SGCZ: variants seen among roughly 807,000 people sequenced by gnomAD.
SGCZ encodes zeta-sarcoglycan.
Under a neutral mutation model 41.3 loss-of-function variants are expected in SGCZ, and 40 were observed. That is an observed-to-expected ratio of 0.97 (90% CI 0.75 to 1.26). The LOEUF (loss-of-function observed/expected upper bound fraction) is 1.26, where lower values mean the gene tolerates loss of function less well. Ranked by LOEUF, SGCZ falls within the 50% of genes most tolerant of loss-of-function variation. The probability of loss-of-function intolerance (pLI) is 0.00; values close to 1 mark genes in which losing one functional copy is unlikely to be tolerated. For synonymous variants in SGCZ, 206 were observed against 137.5 expected, an observed-to-expected ratio of 1.50 and a Z score of -3.49; for missense variants, 552 against 369.8, an observed-to-expected ratio of 1.49 and a Z score of -4.04.
intron 2 of SGCZ, among the ~76,000 whole-genome samples, chr8:14,459,606 T>G (rs1800844872): frequency 6.6e-6 from 1 of 152,062 alleles, no homozygotes. Flanking sequence ...CTCAAGACAT[T>G]TATTAATTAT....
chr8:14,608,899 T>A (rs910768416), intron 1 of SGCZ, among the ~76,000 whole-genome samples: 10 of 152,178 alleles, frequency 6.6e-5, no homozygotes, highest in South Asian at 2.1e-4. Context: ...AATATTCTTA[T>A]GTAATAATAG....
intron 1 of SGCZ, among the ~76,000 whole-genome samples, chr8:14,958,094 T>G (rs934787823): frequency 2.6e-5 from 4 of 152,090 alleles, no homozygotes; most frequent in African/African-American, 9.6e-5. Context: ...AATTTCACCT[T>G]ATAACATGTT....
intron 1 of SGCZ, among the ~76,000 whole-genome samples, chr8:15,017,265 A>G (rs2130936430): frequency 6.6e-6 from 1 of 152,102 alleles, no homozygotes; most frequent in Non-Finnish European, 1.5e-5. Context: ...TTTATATAGG[A>G]TTCGATAATG....
chr8:14,731,243 G>A (rs985072106), intron 1 of SGCZ, among the ~76,000 whole-genome samples: 1 of 151,724 alleles, frequency 6.6e-6, no homozygotes, highest in Admixed American at 6.6e-5. Flanking sequence ...CAGGGACATG[G>A]ATGAAGCTGG....
intron 1 of SGCZ, among the ~76,000 whole-genome samples, chr8:14,867,087 A>C (rs931772027): frequency 5.3e-5 from 8 of 152,100 alleles, no homozygotes; most frequent in Non-Finnish European, 1.2e-4. Flanking sequence ...GTCATTCACT[A>C]TCCTAGACAA....
chr8:14,639,784 T>C (rs1391972036), intron 1 of SGCZ, among the ~76,000 whole-genome samples: 8 of 151,744 alleles, frequency 5.3e-5, no homozygotes, highest in Non-Finnish European at 1.5e-5. Flanking sequence ...GAGAGACTTT[T>C]TTTTTTCTTG....
intron 1 of SGCZ, among the ~76,000 whole-genome samples, chr8:14,980,548 G>C (rs779741263): frequency 2.6e-5 from 4 of 152,164 alleles, no homozygotes; most frequent in Non-Finnish European, 4.4e-5. Context: ...GTTCCATGTG[G>C]CTGAGGAAGC....
chr8:14,383,214 A>G (rs976573905), intron 2 of SGCZ, among the ~76,000 whole-genome samples: 1 of 152,244 alleles, frequency 6.6e-6, no homozygotes, highest in Non-Finnish European at 1.5e-5. Context: ...CTAGTTATAT[A>G]AAACCAATTA....
intron 2 of SGCZ, among the ~76,000 whole-genome samples, chr8:14,420,230 G>C (rs1799602641): frequency 6.6e-6 from 1 of 151,556 alleles, no homozygotes; most frequent in African/African-American, 2.4e-5. Context: ...ATTTTTGTTT[G>C]TTTTAATGAT....
intron 1 of SGCZ, among the ~76,000 whole-genome samples, chr8:15,149,342 G>C (rs1002026634): frequency 1.3e-5 from 2 of 152,128 alleles, no homozygotes; most frequent in Non-Finnish European, 2.9e-5. Context: ...AGAATAAAAA[G>C]CTCACAGGAC....
intron 2 of SGCZ, among the ~76,000 whole-genome samples, chr8:14,454,656 T>C (rs1446442666): frequency 2.0e-5 from 3 of 152,114 alleles, no homozygotes; most frequent in Non-Finnish European, 4.4e-5. Context: ...TCAATTTGTA[T>C]AATAAAATTA....
At chr8:14,126,683 A>T (rs1802871221) in intron 5 of SGCZ, among the ~76,000 whole-genome samples, 1 of 152,130 alleles carries the variant, frequency 6.6e-6, no homozygotes, top group Admixed American at 6.5e-5. Context: ...AGATACACAC[A>T]CGTATGTTTA....
chr8:14,657,443 T>C (rs1807612209), intron 1 of SGCZ, among the ~76,000 whole-genome samples: 1 of 152,126 alleles, frequency 6.6e-6, no homozygotes, highest in South Asian at 2.1e-4. Context: ...TTAAAGTATT[T>C]TGTAAAATAA....
At chr8:14,574,840 A>G (rs776045422) in intron 1 of SGCZ, among the ~76,000 whole-genome samples, 3 of 152,240 alleles carry the variant, frequency 2.0e-5, no homozygotes, top group African/African-American at 4.8e-5. Context: ...GCAAGAAAAC[A>G]GGAATGCAAA....
intron 2 of SGCZ, among the ~76,000 whole-genome samples, chr8:14,497,591 TGTGA>T (rs752643223): frequency 3.3e-5 from 5 of 151,656 alleles, no homozygotes; most frequent in African/African-American, 9.7e-5. Flanking sequence ...TGTGTGTGTG[TGTGA>T]GAGAGAGAGA....
At chr8:14,120,818 A>G (rs1802674276) in intron 5 of SGCZ, among the ~76,000 whole-genome samples, 1 of 152,166 alleles carries the variant, frequency 6.6e-6, no homozygotes, top group African/African-American at 2.4e-5. Context: ...ACATAACCAT[A>G]TGTAAGATTA....
intron 3 of SGCZ, among the ~76,000 whole-genome samples, chr8:14,311,560 T>C (rs575039077): frequency 2.0e-5 from 3 of 152,314 alleles, no homozygotes; most frequent in Admixed American, 2.0e-4. Context: ...AGAATATGAC[T>C]ACTATTTTTA....
intron 4 of SGCZ, among the ~76,000 whole-genome samples, chr8:14,213,400 T>C (rs1383010139): frequency 6.6e-6 from 1 of 152,126 alleles, no homozygotes; most frequent in Non-Finnish European, 1.5e-5. Context: ...TGGCCCATTT[T>C]CCAAGCACAC....
chr8:14,549,418 A>G (rs1186778754), intron 2 of SGCZ, among the ~76,000 whole-genome samples: 1 of 152,098 alleles, frequency 6.6e-6, no homozygotes, highest in East Asian at 1.9e-4. Flanking sequence ...AAAAATGGGA[A>G]CGGATCAGAA....
Sources: allele counts gnomAD v4.1 joint callset (sites outside exome capture counted in the v4.1 genomes callset), GRCh38; gene constraint gnomAD v4.1.1; transcripts MANE v1.5; gene names NCBI Gene and HGNC (gene_info 2026-07-23, HGNC 2026-07-21).